CNPY4: variants seen among roughly 807,000 people sequenced by gnomAD.
The protein encoded by CNPY4 is protein canopy homolog 4.
Under a neutral mutation model 30.1 loss-of-function variants are expected in CNPY4, and 33 were observed. The ratio of observed to expected loss-of-function variants is 1.10; its 90% CI spans 0.83 to 1.46. CNPY4 has a LOEUF of 1.46. Among genes scored for constraint, CNPY4 ranks in the 40% most tolerant of loss-of-function variants. The probability of loss-of-function intolerance (pLI) is 0.00; values close to 1 mark genes in which losing one functional copy is unlikely to be tolerated. For missense variants in CNPY4, 324 were observed against 302.6 expected, an observed-to-expected ratio of 1.07 and a Z score of -0.52; for synonymous variants, 109 against 110.1, an observed-to-expected ratio of 0.99 and a Z score of 0.06.
chr7:100,122,639 G>T, intron 3 of CNPY4, 62 bp downstream of exon 3: 1 of 1,524,096 alleles, frequency 6.6e-7, no homozygotes, highest in Non-Finnish European at 8.9e-7. Context: ...ATCCCCTGAG[G>T]CCCTCCAGAG....
Position 100,124,726 on chromosome 7 carries a change from A to G in CNPY4, c.585A>G (p.Ala195=), listed in dbSNP as rs900950303. 6.2e-7 allele frequency: 1 copy of G among 1,613,816 alleles called. No individual in the cohort carries two copies. ...EGHVLPAAET[A]CLQETWTGKE... Reference sequence around the variant, plus strand: ...ATTGTTTTCTGTCATCCGATCTAGCATGTCTACAGGAAACTTGGACTGGAA... The same window carrying G: ...ATTGTTTTCTGTCATCCGATCTAGCGTGTCTACAGGAAACTTGGACTGGAA... The change falls in exon 6 of 6, where the codon GCA becomes GCG. Residue 195 remains alanine (A), a splice_region_variant and synonymous_variant. Coordinates refer to ENST00000262932, the MANE Select transcript of CNPY4 (RefSeq NM_152755.2).
At chr7:100,122,964 A>C in intron 4 of CNPY4, 58 bp downstream of exon 4, 1 of 1,559,884 alleles carries the variant, frequency 6.4e-7, no homozygotes, top group South Asian at 1.2e-5. Context: ...GAGGGGAGCT[A>C]GGTTCTAGGG....
chr7:100,125,206 C>A lies in CNPY4; in HGVS notation c.*318C>A. 3.5e-6 allele frequency: 1 copy of A among 288,338 alleles called. No individual in the cohort carries two copies. The highest frequency in any genetic ancestry group is 6.2e-5 in the East Asian group (1 of 16,106). 17.9% of individuals were successfully genotyped at this position (288,338 alleles called of 1,614,324 possible). ...CCCCACCCAAAAGTCAGCAGTGGCA[C>A]TGGAGCTGTGGGCTTTGGGGAAGTC... On this transcript the variant is annotated 3_prime_UTR_variant, in exon 6 of 6. Transcript: ENST00000262932.
chr7:100,123,460 G>C (rs992042003), intron 4 of CNPY4, among the ~76,000 whole-genome samples: 16 of 152,100 alleles, frequency 1.1e-4, no homozygotes, highest in Non-Finnish European at 1.9e-4. Flanking sequence ...TTTGAGACCA[G>C]AGTTAGAGAC....
chr7:100,119,665 C>A lies in CNPY4; in HGVS notation c.-80C>A. 6.2e-7 allele frequency: 1 copy of A among 1,611,492 alleles called. No homozygotes were observed. Among genetic ancestry groups the A allele is most frequent in the Non-Finnish European group, 8.5e-7 (1 of 1,178,938 alleles). On this transcript the variant is annotated 5_prime_UTR_variant, in exon 1 of 6. Transcript: ENST00000262932. ...CGGCTGGATTTAAGGTTGCCGCTAGCCGCCTGGGAATTTAAGGGACCCACA... is the reference window on the plus strand; with the variant it reads ...CGGCTGGATTTAAGGTTGCCGCTAGACGCCTGGGAATTTAAGGGACCCACA...
At chr7:100,121,783 G>A (rs1311559433) in intron 1 of CNPY4, among the ~76,000 whole-genome samples, 3 of 150,912 alleles carry the variant, frequency 2.0e-5, no homozygotes, top group Non-Finnish European at 4.4e-5. Context: ...GGGCGTGGTG[G>A]CTCACGCCTG....
chr7:100,119,737 G>T lies in CNPY4; in HGVS notation c.-8G>T. On this transcript the variant is annotated 5_prime_UTR_variant, in exon 1 of 6. Coordinates refer to ENST00000262932, the MANE Select transcript of CNPY4 (RefSeq NM_152755.2). ...CAAGCGGTGATTGTTTGTAGACGGC[G>T]CTTTGTCATGGGACCTGTGCGGTTG... 1 of 1,614,158 alleles carries T rather than the reference G, an allele frequency of 6.2e-7. No homozygotes were observed. The highest frequency in any genetic ancestry group is 8.5e-7 in the Non-Finnish European group (1 of 1,180,010).
chr7:100,124,196 T>C lies in CNPY4; in HGVS notation c.466-318T>C, dbSNP rs1798154978. On this transcript the variant is annotated intron_variant, in intron 4 of 5. Coordinates refer to ENST00000262932, the MANE Select transcript of CNPY4 (RefSeq NM_152755.2). ...TATCCACCATCACTTATTGAGCACC[T>C]ACTGTGTCCCAGACTCTGGACCAGA... is the stretch of plus-strand genomic sequence containing the variant. Among the ~76,000 whole-genome samples, 2 of 151,604 alleles carry C rather than the reference T, an allele frequency of 1.3e-5. 1 individual carries two copies. The highest frequency in any genetic ancestry group is 4.2e-4 in the South Asian group (2 of 4,802).
chr7:100,120,365 GGA>G (rs1797999003), intron 1 of CNPY4: 1 of 152,734 alleles, frequency 6.5e-6, no homozygotes. Context: ...CACACAACTA[GGA>G]GAGTGTCCCC....
intron 1 of CNPY4, chr7:100,121,117 T>TATATATATATATATATA (rs1491228284): frequency 3.7e-4 from 13 of 35,122 alleles, no homozygotes; most frequent in African/African-American, 7.7e-4. Flanking sequence ...TATATATATA[T>TATATATATATATATATA]TTTTTTTTTT....
Position 100,122,545 on chromosome 7 carries a change from G to A in CNPY4, c.310G>A (p.Ala104Thr), listed in dbSNP as rs751483119. The A allele has an allele frequency of 2.0e-5, 33 of 1,613,076 alleles. No homozygotes were observed. The highest frequency in any genetic ancestry group is 2.7e-5 in the African/African-American group (2 of 74,844). ...GCGGATCCTGGACTATAGTGTTCACGCTGAGCGCAAGGGCTCACTGAGATA... is the reference window on the plus strand; with the variant it reads ...GCGGATCCTGGACTATAGTGTTCACACTGAGCGCAAGGGCTCACTGAGATA... ...CERILDYSVH[A>T]ERKGSLRYAK... The change falls in exon 3 of 6, where the codon GCT becomes ACT. Residue 104 changes from alanine (A) to threonine (T), a missense_variant. Transcript: ENST00000262932.
rs1798110548 is a variant in CNPY4, at chr7:100,122,788, A to G, written c.347A>G (p.Gln116Arg). The change falls in exon 4 of 6, where the codon CAG becomes CGG. Residue 116 changes from glutamine to arginine, a missense_variant. Coordinates refer to ENST00000262932, the MANE Select transcript of CNPY4 (RefSeq NM_152755.2). ...RKGSLRYAKG[Q>R]SQTMATLKGL... ...GCCAAATTCTTAATCTCTCAGGGTC[A>G]GAGTCAGACCATGGCAACACTGAAA... is the stretch of plus-strand genomic sequence containing the variant. 5 of 1,613,404 alleles carry G rather than the reference A, an allele frequency of 3.1e-6. No individual in the cohort carries two copies. The highest frequency in any genetic ancestry group is 1.3e-5 in the African/African-American group (1 of 75,028).
At chr7:100,123,944 C>G (rs1189048161) in intron 4 of CNPY4, among the ~76,000 whole-genome samples, 11 of 152,114 alleles carry the variant, frequency 7.2e-5, no homozygotes. Context: ...GCCGGGCCAT[C>G]ATAGTGAAAC....
chr7:100,121,112 A>ATTTTTTTTTTTTTT (rs1798040006), intron 1 of CNPY4: 7 of 30,712 alleles, frequency 2.3e-4, no homozygotes, highest in East Asian at 5.7e-4. Flanking sequence ...ATATATATAT[A>ATTTTTTTTTTTTTT]TATATTTTTT....
rs770858624 is a variant in CNPY4, at chr7:100,122,358, G to C, written c.218G>C (p.Arg73Thr). 1 of 1,614,050 alleles carries C rather than the reference G, an allele frequency of 6.2e-7. No individual in the cohort carries two copies. Among genetic ancestry groups the C allele is most frequent in the African/African-American group, 1.3e-5 (1 of 74,926 alleles). Residue 73 changes from arginine (R) to threonine (T), a missense_variant, in exon 2 of 6, where the codon AGG (arginine) becomes ACG (threonine). Physicochemically the swap from Arg to Thr is moderately conservative, Grantham distance 71. Coordinates refer to ENST00000262932, the MANE Select transcript of CNPY4 (RefSeq NM_152755.2). ...GGGCAGGTGCTGGATACAGGCAAGAGGAAGAGACACGTGCCTTACAGCGTT... is the reference window on the plus strand; with the variant it reads ...GGGCAGGTGCTGGATACAGGCAAGACGAAGAGACACGTGCCTTACAGCGTT... The part of the protein sequence containing the change: ...ELGQVLDTGK[R>T]KRHVPYSVSE...
In CNPY4 at chr7:100,124,944, T is replaced by C; in HGVS notation, c.*56T>C. 1 of 1,522,412 alleles carries C rather than the reference T, an allele frequency of 6.6e-7. No individual in the cohort carries two copies. The highest frequency in any genetic ancestry group is 8.8e-7 in the Non-Finnish European group (1 of 1,135,772). The allele number at this position is 1,522,412 out of a possible 1,614,324, so 94.3% of individuals were successfully genotyped here. A position where few individuals can be genotyped will look rare whatever the true frequency, so the allele number is the denominator to read the frequency against. On this transcript the variant is annotated 3_prime_UTR_variant, in exon 6 of 6. Coordinates refer to ENST00000262932, the MANE Select transcript of CNPY4 (RefSeq NM_152755.2). ...GGATCATGGAGAGCCCTCTAAAGCCTGCACTCTCCCTGCTCCACAGCTTTC... is the reference window on the plus strand; with the variant it reads ...GGATCATGGAGAGCCCTCTAAAGCCCGCACTCTCCCTGCTCCACAGCTTTC...
At chr7:100,120,213 G>A (rs1797991380) in intron 1 of CNPY4, 1 of 176,588 alleles carries the variant, frequency 5.7e-6, no homozygotes, top group African/African-American at 2.4e-5. Context: ...GAGGCTGCAG[G>A]AGCCGGGTGT....
In CNPY4 at chr7:100,122,463, T is replaced by C. The variant is rs747389340; in HGVS notation, c.246-18T>C. 2 of 1,614,050 alleles carry C rather than the reference T, an allele frequency of 1.2e-6. No homozygotes were observed. Among genetic ancestry groups the C allele is most frequent in the African/African-American group, 1.3e-5 (1 of 75,018 alleles). On this transcript the variant is annotated intron_variant, in intron 2 of 5. Coordinates refer to ENST00000262932, the MANE Select transcript of CNPY4 (RefSeq NM_152755.2). ...TCCTACAGCATCCAGGGAATCTTTG[T>C]TTCCTCTCTTTCCACAGAGAGACAA...
chr7:100,119,958 T>C, intron 1 of CNPY4, 96 bp downstream of exon 1: 1 of 1,127,816 alleles, frequency 8.9e-7, no homozygotes, highest in Non-Finnish European at 1.2e-6. Context: ...TCACCCGACC[T>C]CCTTGAAGGC....
Sources: gnomAD v4.1 joint callset for allele counts (sites outside exome capture counted in the v4.1 genomes callset) on GRCh38, gnomAD v4.1.1 for gene constraint, MANE v1.5 for transcripts, NCBI Gene and HGNC (gene_info 2026-07-23, HGNC 2026-07-21) for gene names.